Variants in HAS3 observed in about 807,000 individuals in gnomAD.
HAS3 encodes the protein hyaluronan synthase 3.
In HAS3, 27 loss-of-function variants were observed where a neutral mutation model predicts 50.3. The observed-to-expected ratio is 0.54, with a 90% CI of 0.40 to 0.74. The LOEUF (loss-of-function observed/expected upper bound fraction) is 0.74. HAS3 is among the 30% of genes least tolerant of loss of function. HAS3 has a pLI of 0.00. For synonymous variants in HAS3, 339 were observed against 310.9 expected (o/e 1.09, Z -0.95); for missense variants, 517 against 742.8 (o/e 0.70, Z 3.53).
At chr16:69,090,584 T>C in the HAS3 span, among the ~76,000 whole-genome samples, 1 of 152,102 alleles carries the variant, frequency 6.6e-6, no homozygotes, top group Non-Finnish European at 1.5e-5. Context: ...AATTTTTTTT[T>C]TTAGACGGAG....
Position 69,115,503 on chromosome 16 carries a change from C to A in HAS3, c.*237C>A. The A allele has an allele frequency of 8.1e-7, 1 of 1,241,876 alleles. No individual in the cohort carries two copies. Among genetic ancestry groups the A allele is most frequent in the Non-Finnish European group, 1.0e-6 (1 of 992,738 alleles). 76.9% of individuals were successfully genotyped at this position (1,241,876 alleles called of 1,614,324 possible). The stretch of plus-strand genomic sequence containing the variant: ...CAGGGGATTCTGTGTTTTCAGACTG[C>A]CTGTCTGCTTGCATCTGCACATAGG... On this transcript the variant is annotated 3_prime_UTR_variant, in exon 4 of 4. Transcript: ENST00000569188.
chr16:69,098,962 T>C, the HAS3 span, among the ~76,000 whole-genome samples: 1 of 148,814 alleles, frequency 6.7e-6, no homozygotes, highest in Non-Finnish European at 1.5e-5. Flanking sequence ...GCGCCCAGCC[T>C]GAACCTGATC....
Position 69,115,419 on chromosome 16 carries a change from A to G in HAS3, c.*153A>G. ...TCTAAAATGCAAAGAACGGTGATGTAGTATGGCCTGACAGCTCTGTTTAGA... is the reference window on the plus strand; with the variant it reads ...TCTAAAATGCAAAGAACGGTGATGTGGTATGGCCTGACAGCTCTGTTTAGA... On this transcript the variant is annotated 3_prime_UTR_variant, in exon 4 of 4. Coordinates refer to ENST00000569188, the MANE Select transcript of HAS3 (RefSeq NM_001199280.2). 1 of 1,372,580 alleles carries G rather than the reference A, an allele frequency of 7.3e-7. No homozygotes were observed. The highest frequency in any genetic ancestry group is 1.4e-5 in the African/African-American group (1 of 69,014). 85.0% of individuals were successfully genotyped at this position (1,372,580 alleles called of 1,614,324 possible).
In HAS3 at chr16:69,117,051, G is replaced by A. The variant is rs1961215333; in HGVS notation, c.*1785G>A. The A allele has an allele frequency of 3.0e-6, 3 of 985,598 alleles. No individual in the cohort carries two copies. The African/African-American group carries it at 5.2e-5, about 17-fold the overall frequency. 61.1% of individuals were successfully genotyped at this position (985,598 alleles called of 1,614,324 possible). ...AGTTGCCACATCACACAGACCTCGAGTTTCTGGTAAGACTGCTGGTTGACA... is the reference window on the plus strand; with the variant it reads ...AGTTGCCACATCACACAGACCTCGAATTTCTGGTAAGACTGCTGGTTGACA... On this transcript the variant is annotated 3_prime_UTR_variant, in exon 4 of 4. Transcript: ENST00000569188.
chr16:69,108,107 C>A (rs2152255304), intron 1 of HAS3, among the ~76,000 whole-genome samples: 1 of 152,282 alleles, frequency 6.6e-6, no homozygotes, highest in South Asian at 2.1e-4. Context: ...ATGGGGTTCT[C>A]TAGATCAGGC....
At chr16:69,104,992 GTTTTTTTTTTTTT>G (rs565397720), upstream of HAS3, among the ~76,000 whole-genome samples, 14,961 of 81,652 alleles carry the variant, frequency 0.18, 930 homozygotes, top group Middle Eastern at 0.32. Flanking sequence ...CTGTTTTTTG[GTTTTTTTTTTTTT>G]TTTTTTTTTT....
rs779449697 is a variant in HAS3 at position 69,109,716 on chromosome 16, G to A, written c.321G>A (p.Ser107=). 2.0e-5 allele frequency: 32 copies of A among 1,610,704 alleles called. No individual in the cohort carries two copies. Among genetic ancestry groups the A allele is most frequent in the Middle Eastern group, 1.6e-4 (1 of 6,084 alleles). ...DPDYLRKCLR[S]AQRISFPDLK... ...ACTACTTGCGCAAGTGCCTGCGCTC[G>A]GCCCAGCGCATCTCCTTCCCTGACC... The change falls in exon 2 of 4, where the codon TCG becomes TCA. Residue 107 remains serine, a synonymous_variant. Transcript: ENST00000569188. This position sits in a 1 kb window ranked among gnomAD's most constrained non-coding sequence, Gnocchi z 5.3.
the HAS3 span, among the ~76,000 whole-genome samples, chr16:69,085,346 C>T: frequency 6.6e-6 from 1 of 152,312 alleles, no homozygotes; most frequent in Non-Finnish European, 1.5e-5. Context: ...TCCTCGAGTG[C>T]CTCATGAAGC....
the HAS3 span, among the ~76,000 whole-genome samples, chr16:69,097,101 G>A: frequency 0.029 from 4,422 of 152,060 alleles, 237 homozygotes; most frequent in African/African-American, 0.099. Context: ...GCAGTGAGCC[G>A]TGATTGCACC....
At position 69,117,408 on chromosome 16, in the gene HAS3, T is replaced by G; in HGVS notation, c.*2142T>G. 1.0e-6 allele frequency: 1 copy of G among 985,824 alleles called. No individual in the cohort carries two copies. Among genetic ancestry groups the G allele is most frequent in the Non-Finnish European group, 1.2e-6 (1 of 829,902 alleles). The allele number at this position is 985,824 out of a possible 1,614,324, so 61.1% of individuals were successfully genotyped here. On this transcript the variant is annotated 3_prime_UTR_variant, in exon 4 of 4. Coordinates refer to ENST00000569188, the MANE Select transcript of HAS3 (RefSeq NM_001199280.2). ...CGACTGGTTTTTCTAAGTTATTTTG[T>G]ACATTTTTCAGCAGCAAAACCAAAC... is the stretch of plus-strand genomic sequence containing the variant.
Position 69,109,929 on chromosome 16 carries a change from G to T in HAS3, c.534G>T (p.Val178=). 1.2e-6 allele frequency: 2 copies of T among 1,614,124 alleles called. No individual in the cohort carries two copies. Among genetic ancestry groups the T allele is most frequent in the Non-Finnish European group, 1.7e-6 (2 of 1,180,024 alleles). The change falls in exon 2 of 4, where the codon GTG becomes GTT. Residue 178 remains valine (V), a synonymous_variant. Coordinates refer to ENST00000569188, the MANE Select transcript of HAS3 (RefSeq NM_001199280.2). The surrounding 1 kb of genome is among the most constrained non-coding windows in gnomAD (Gnocchi z 5.3). ...GCATGGACCGTGTGCGGGATGTGGT[G>T]CGGGCCAGCACCTTCTCGTGCATCA... is the stretch of plus-strand genomic sequence containing the variant. The part of the protein sequence containing the change: ...QEGMDRVRDV[V]RASTFSCIMQ...
At chr16:69,092,181 A>T in the HAS3 span, among the ~76,000 whole-genome samples, 52 of 152,364 alleles carry the variant, frequency 3.4e-4, no homozygotes, top group African/African-American at 1.3e-3. Flanking sequence ...AGTAAGAAGC[A>T]GCCAAACCAG....
upstream of HAS3, among the ~76,000 whole-genome samples, chr16:69,101,577 T>C (rs1159823963): frequency 6.6e-6 from 1 of 152,084 alleles, no homozygotes; most frequent in Non-Finnish European, 1.5e-5. Flanking sequence ...TCTAAACACA[T>C]GTCCCCCATT....
intron 2 of HAS3, among the ~76,000 whole-genome samples, chr16:69,110,535 ATCC>A (rs1363840377): frequency 6.6e-6 from 1 of 152,106 alleles, no homozygotes; most frequent in Non-Finnish European, 1.5e-5. Flanking sequence ...CTCCCACCTC[ATCC>A]TCCCTAGTAA....
the HAS3 span, among the ~76,000 whole-genome samples, chr16:69,098,969 G>T: frequency 6.9e-6 from 1 of 145,704 alleles, no homozygotes; most frequent in Non-Finnish European, 1.5e-5. Context: ...GCCTGAACCT[G>T]ATCTTTTTTT....
upstream of HAS3, among the ~76,000 whole-genome samples, chr16:69,104,279 C>CT (rs1960729683): frequency 2.2e-5 from 3 of 135,810 alleles, no homozygotes; most frequent in African/African-American, 5.3e-5. Flanking sequence ...TTTTTCTTTT[C>CT]TTTTCTTTTT....
Position 69,116,360 on chromosome 16 carries a change from C to T in HAS3, c.*1094C>T, listed in dbSNP as rs1961182481. The T allele has an allele frequency of 2.0e-6, 2 of 985,542 alleles. No individual in the cohort carries two copies. The highest frequency in any genetic ancestry group is 2.4e-6 in the Non-Finnish European group (2 of 829,734). The allele number at this position is 985,542 out of a possible 1,614,324, so 61.0% of individuals were successfully genotyped here. ...CAGCACATATGGGAACTATGAGGAG[C>T]CTCTGATCAAATTGGCTACAATCTT... On this transcript the variant is annotated 3_prime_UTR_variant, in exon 4 of 4. Transcript: ENST00000569188.
chr16:69,084,917 A>C, the HAS3 span: 1 of 152,468 alleles, frequency 6.6e-6, no homozygotes, highest in Admixed American at 6.5e-5. Context: ...CATGGTTCTG[A>C]GTCAGATCTT....
the HAS3 span, among the ~76,000 whole-genome samples, chr16:69,095,944 G>A: frequency 8.8e-4 from 134 of 152,218 alleles, no homozygotes; most frequent in Middle Eastern, 0.017. Flanking sequence ...GGCTGGGCGC[G>A]GTGGCTTACG....
Sources: gnomAD v4.1 joint callset for allele counts (sites outside exome capture counted in the v4.1 genomes callset) on GRCh38, gnomAD v4.1.1 for gene constraint, Gnocchi (gnomAD v3.1) non-coding constraint, MANE v1.5 for transcripts, NCBI Gene and HGNC (gene_info 2026-07-23, HGNC 2026-07-21) for gene names.